The following TMEM132C variants were observed in gnomAD, a reference collection of about 807,000 sequenced individuals.
TMEM132C encodes the protein transmembrane protein 132C.
TMEM132C carries 29 observed loss-of-function variants against 61.4 expected under a neutral mutation model. The observed-to-expected ratio is 0.47, with a 90% CI of 0.35 to 0.64. The LOEUF (loss-of-function observed/expected upper bound fraction) is 0.64, where lower values mean the gene tolerates loss of function less well. Ranked by LOEUF, TMEM132C falls within the 30% of genes least tolerant of loss-of-function variation. TMEM132C has a pLI of 0.00. For missense variants in TMEM132C, 1,408 were observed against 1,476.9 expected (o/e 0.95, Z 0.76); for synonymous variants, 656 against 633.1 (o/e 1.04, Z -0.54).
chr12:128,691,745 G>A (rs11059835), intron 5 of TMEM132C, among the ~76,000 whole-genome samples: 18,767 of 149,474 alleles, frequency 0.13, 1,241 homozygotes, highest in Middle Eastern at 0.19. Context: ...CTACCCATTT[G>A]TCCACCACCC....
intron 4 of TMEM132C, among the ~76,000 whole-genome samples, chr12:128,661,580 G>C (rs1371449917): frequency 6.6e-6 from 1 of 151,454 alleles, no homozygotes; most frequent in Non-Finnish European, 1.5e-5. Flanking sequence ...AAAAACCCTG[G>C]ATACATATGC....
intron 4 of TMEM132C, among the ~76,000 whole-genome samples, chr12:128,652,526 C>A (rs956358322): frequency 5.3e-5 from 8 of 152,320 alleles, no homozygotes; most frequent in Admixed American, 1.3e-4. Flanking sequence ...GTTTACAGCT[C>A]GGAACACAGA....
chr12:128,486,349 G>A (rs1449880403), intron 2 of TMEM132C, among the ~76,000 whole-genome samples: 2 of 152,058 alleles, frequency 1.3e-5, no homozygotes, highest in Admixed American at 6.6e-5. Context: ...AAGAGCTGGG[G>A]GAATCTACCC....
At chr12:128,672,277 T>C (rs549049867) in intron 5 of TMEM132C, among the ~76,000 whole-genome samples, 38 of 152,162 alleles carry the variant, frequency 2.5e-4, no homozygotes, top group Admixed American at 7.2e-4. Flanking sequence ...TGTTGGTCAC[T>C]GGCCTTTGTC....
At chr12:128,440,875 C>T (rs1022646846) in intron 2 of TMEM132C, among the ~76,000 whole-genome samples, 25 of 152,168 alleles carry the variant, frequency 1.6e-4, no homozygotes, top group African/African-American at 6.0e-4. Context: ...ATGGTGAAAC[C>T]CCATCTCTAC....
At position 128,278,560 on chromosome 12, in the gene TMEM132C, G is replaced by A. The variant is rs531652274; in HGVS notation, c.85+11073G>A. The stretch of plus-strand genomic sequence containing the variant: ...TGGAGGTGACAGCTGGCAGTGGTTT[G>A]ACTGTGTGGTTGCCTGTTAGTTCTG... On this transcript the variant is annotated intron_variant, in intron 1 of 8. Transcript: ENST00000435159. The surrounding 1 kb of genome is among the most constrained non-coding windows in gnomAD (Gnocchi z 4.2). Among the ~76,000 whole-genome samples, 7 of 152,234 alleles carry A rather than the reference G, an allele frequency of 4.6e-5. No homozygotes were observed. The highest frequency in any genetic ancestry group is 7.4e-5 in the Non-Finnish European group (5 of 68,014).
At chr12:128,700,681 G>T (rs1239729627) in intron 8 of TMEM132C, among the ~76,000 whole-genome samples, 1 of 152,166 alleles carries the variant, frequency 6.6e-6, no homozygotes, top group African/African-American at 2.4e-5. Context: ...GTAGTAGCCT[G>T]CATGTTCTCC....
At chr12:128,276,894 G>GCACACACACACACACACACACA (rs71069547) in intron 1 of TMEM132C, among the ~76,000 whole-genome samples, 118 of 150,034 alleles carry the variant, frequency 7.9e-4, no homozygotes, top group East Asian at 4.0e-3. Context: ...GTGCGTGCAT[G>GCACACACACACACACACACACA]CACACACACA....
Position 128,706,372 on chromosome 12 carries a change from T to C in TMEM132C, c.*77T>C. 1 of 1,439,190 alleles carries C rather than the reference T, an allele frequency of 6.9e-7. No homozygotes were observed. The highest frequency in any genetic ancestry group is 9.1e-7 in the Non-Finnish European group (1 of 1,099,370). 89.2% of individuals were successfully genotyped at this position (1,439,190 alleles called of 1,614,324 possible). A position where few individuals can be genotyped will look rare whatever the true frequency, so the allele number is the denominator to read the frequency against. On this transcript the variant is annotated 3_prime_UTR_variant, in exon 9 of 9. Transcript: ENST00000435159. The stretch of plus-strand genomic sequence containing the variant: ...GGCCCAAGTGGGGCAGAAGGCGTTG[T>C]CAGTGGGGTTAAGAAGGGACGGTCC...
At chr12:128,665,337 A>G (rs372207838) in intron 4 of TMEM132C, among the ~76,000 whole-genome samples, 31 of 151,014 alleles carry the variant, frequency 2.1e-4, no homozygotes, top group African/African-American at 7.1e-4. Flanking sequence ...AGGCACATGT[A>G]CCCATGTGCA....
chr12:128,537,884 A>C lies in TMEM132C; in HGVS notation c.975-6073A>C, dbSNP rs932478230. Among the ~76,000 whole-genome samples the C allele has an allele frequency of 3.3e-5, 5 of 152,220 alleles. No homozygotes were observed. The East Asian group carries it at 7.7e-4, about 23-fold the overall frequency. ...ATGGACCACAATTATGGTCAATATT[A>C]TCATTGGGGGAAGCTGGATGATGGG... On this transcript the variant is annotated intron_variant, in intron 2 of 8. Coordinates refer to ENST00000435159, the MANE Select transcript of TMEM132C (RefSeq NM_001136103.3).
Position 128,412,701 on chromosome 12 carries a change from G to C in TMEM132C, c.86-2031G>C, listed in dbSNP as rs75458986. 2.2e-3 allele frequency among the ~76,000 whole-genome samples: 337 copies of C among 152,250 alleles called. 3 individuals are homozygous for C. The highest frequency in any genetic ancestry group is 7.6e-3 in the African/African-American group (314 of 41,560). ...TGAGGCCTCCCAGCCATGTGGTACT[G>C]TGAGTCCATTAAACCTCTTTCTTTT... On this transcript the variant is annotated intron_variant, in intron 1 of 8. Transcript: ENST00000435159.
chr12:128,365,165 G>A (rs905957376), intron 1 of TMEM132C, among the ~76,000 whole-genome samples: 2 of 152,190 alleles, frequency 1.3e-5, no homozygotes, highest in Non-Finnish European at 2.9e-5. Context: ...GAGCCACACT[G>A]TCGTAATCCT....
intron 2 of TMEM132C, among the ~76,000 whole-genome samples, chr12:128,521,853 A>T (rs1331402974): frequency 1.3e-5 from 2 of 152,214 alleles, no homozygotes; most frequent in African/African-American, 4.8e-5. Context: ...AAATAAGAAT[A>T]TTGTATGTAA....
chr12:128,687,105 G>A (rs1245569276), intron 5 of TMEM132C, among the ~76,000 whole-genome samples: 1 of 151,770 alleles, frequency 6.6e-6, no homozygotes, highest in East Asian at 1.9e-4. Flanking sequence ...GGGAGGCTGA[G>A]GCAGGGGAAT....
intron 2 of TMEM132C, among the ~76,000 whole-genome samples, chr12:128,431,301 G>A (rs1869379301): frequency 1.3e-5 from 2 of 152,198 alleles, no homozygotes; most frequent in African/African-American, 2.4e-5. Context: ...GAAGGCTGAG[G>A]GAGGTGAGGA....
intron 3 of TMEM132C, among the ~76,000 whole-genome samples, chr12:128,558,063 C>G (rs1449463641): frequency 6.6e-6 from 1 of 152,160 alleles, no homozygotes; most frequent in Non-Finnish European, 1.5e-5. Context: ...AATAATAGTA[C>G]CTTTGCTGAG....
At chr12:128,563,477 T>A (rs559557488) in intron 3 of TMEM132C, among the ~76,000 whole-genome samples, 67 of 152,306 alleles carry the variant, frequency 4.4e-4, no homozygotes, top group South Asian at 8.3e-4. Flanking sequence ...CTTTAATATT[T>A]AAGGCGACCA....
chr12:128,435,266 A>G lies in TMEM132C; in HGVS notation c.974+19646A>G, dbSNP rs531308217. 1.1e-3 allele frequency among the ~76,000 whole-genome samples: 164 copies of G among 152,272 alleles called. 1 individual carries two copies. Among genetic ancestry groups the G allele is most frequent in the African/African-American group, 3.7e-3 (153 of 41,554 alleles). On this transcript the variant is annotated intron_variant, in intron 2 of 8. Coordinates refer to ENST00000435159, the MANE Select transcript of TMEM132C (RefSeq NM_001136103.3). ...GGTACTCTGTGATGGCAGCCCTAAG[A>G]AACTAGTGCACCAGGTGCTGCTGCT...
Sources: allele counts gnomAD v4.1 joint callset (sites outside exome capture counted in the v4.1 genomes callset), GRCh38; gene constraint gnomAD v4.1.1; non-coding constraint Gnocchi (gnomAD v3.1); transcripts MANE v1.5; gene names NCBI Gene and HGNC (gene_info 2026-07-23, HGNC 2026-07-21).